The following SVOPL variants were observed in gnomAD, a reference collection of about 807,000 sequenced individuals.
The protein encoded by SVOPL is SVOP like.
A neutral mutation model predicts 61.0 loss-of-function variants in SVOPL; 60 were observed. The observed-to-expected ratio is 0.98, with a 90% CI of 0.80 to 1.22. The LOEUF is 1.22. Among genes scored for constraint, SVOPL ranks in the 50% most tolerant of loss-of-function variants. The pLI is 0.00. For missense variants in SVOPL, 662 were observed against 643.9 expected, an observed-to-expected ratio of 1.03 and a Z score of -0.30; for synonymous variants, 279 against 250.0, an observed-to-expected ratio of 1.12 and a Z score of -1.09.
intron 8 of SVOPL, among the ~76,000 whole-genome samples, 181 bp from the exon 9 acceptor site, chr7:138,645,026 G>C (rs571766348): frequency 2.0e-5 from 3 of 152,182 alleles, no homozygotes; most frequent in African/African-American, 7.2e-5. Context: ...GAACAAAAAA[G>C]GTCATGTTCT....
intron 13 of SVOPL, among the ~76,000 whole-genome samples, chr7:138,623,310 T>C (rs769347121): frequency 6.6e-6 from 1 of 152,010 alleles, no homozygotes; most frequent in Non-Finnish European, 1.5e-5. Flanking sequence ...ATATAAAAAA[T>C]AAAATACTGG....
At chr7:138,653,538 T>C (rs1442375951) in intron 7 of SVOPL, among the ~76,000 whole-genome samples, 2 of 152,088 alleles carry the variant, frequency 1.3e-5, no homozygotes, top group East Asian at 3.9e-4. Flanking sequence ...ACAGTGCCTC[T>C]TACCTGTAAT....
intron 14 of SVOPL, among the ~76,000 whole-genome samples, chr7:138,616,969 AATTT>A (rs1031726866): frequency 3.1e-4 from 47 of 151,964 alleles, no homozygotes; most frequent in Non-Finnish European, 5.3e-4. Context: ...TCAATTAATT[AATTT>A]ATTTATTTAT....
intron 13 of SVOPL, among the ~76,000 whole-genome samples, chr7:138,621,998 C>G (rs200005234): frequency 2.9e-3 from 129 of 44,376 alleles, no homozygotes; most frequent in Non-Finnish European, 4.2e-3. Flanking sequence ...ATGTATCTAT[C>G]TATCTATGTA....
intron 1 of SVOPL, among the ~76,000 whole-genome samples, chr7:138,683,947 G>A (rs1437951192): frequency 1.3e-5 from 2 of 151,716 alleles, no homozygotes. Flanking sequence ...AGCTACTCGG[G>A]AGGCTGAAGC....
Position 138,594,548 on chromosome 7 carries a change from G to T in SVOPL, c.*62C>A. The stretch of plus-strand genomic sequence containing the variant: ...AAGTAAAACCAAGTTTTAAAAAAAT[G>T]CACCGCAGTTCTGAAGATAGAATTC... On this transcript the variant is annotated 3_prime_UTR_variant, in exon 16 of 16. Transcript: ENST00000674285. 1.3e-6 allele frequency: 2 copies of T among 1,513,584 alleles called. No individual in the cohort carries two copies. Among genetic ancestry groups the T allele is most frequent in the Non-Finnish European group, 1.8e-6 (2 of 1,116,524 alleles). The allele number at this position is 1,513,584 out of a possible 1,614,324, so 93.8% of individuals were successfully genotyped here.
At chr7:138,617,052 T>C (rs549556259) in intron 14 of SVOPL, among the ~76,000 whole-genome samples, 1 of 152,326 alleles carries the variant, frequency 6.6e-6, no homozygotes, top group South Asian at 2.1e-4. Context: ...CAGTGCAACC[T>C]CCATCTCCCA....
chr7:138,672,645 T>G (rs1584860942), intron 3 of SVOPL, among the ~76,000 whole-genome samples: 2 of 123,144 alleles, frequency 1.6e-5, no homozygotes, highest in African/African-American at 3.9e-5. Context: ...GAAAGTGTTT[T>G]TTTTTGTGTT....
intron 7 of SVOPL, among the ~76,000 whole-genome samples, chr7:138,653,987 G>A (rs918376987): frequency 5.9e-5 from 9 of 151,382 alleles, no homozygotes; most frequent in South Asian, 2.1e-4. Context: ...ACAAAAGTTA[G>A]CTGGGTGTGG....
intron 14 of SVOPL, among the ~76,000 whole-genome samples, chr7:138,603,804 A>AT (rs1798629628): frequency 6.6e-6 from 1 of 152,166 alleles, no homozygotes; most frequent in Non-Finnish European, 1.5e-5. Flanking sequence ...AAACTCTGAC[A>AT]TGAAAGACCT....
chr7:138,637,590 G>C (rs1031476344), intron 9 of SVOPL, among the ~76,000 whole-genome samples: 1 of 151,840 alleles, frequency 6.6e-6, no homozygotes, highest in Admixed American at 6.6e-5. Context: ...ATATAACAAA[G>C]CTAAATCTGT....
chr7:138,675,193 G>A (rs1802527830), intron 3 of SVOPL, among the ~76,000 whole-genome samples: 1 of 149,944 alleles, frequency 6.7e-6, no homozygotes. Context: ...TTGAGCTGAG[G>A]AGTTTGAGAC....
intron 14 of SVOPL, among the ~76,000 whole-genome samples, chr7:138,605,032 A>G (rs1798690880): frequency 6.6e-6 from 1 of 151,946 alleles, no homozygotes; most frequent in African/African-American, 2.4e-5. Flanking sequence ...CCTGGGCAAC[A>G]CAATGAGCCC....
At chr7:138,654,030 G>A (rs545090348) in intron 7 of SVOPL, among the ~76,000 whole-genome samples, 3 of 151,932 alleles carry the variant, frequency 2.0e-5, no homozygotes, top group East Asian at 3.9e-4. Flanking sequence ...GTACTTGGGA[G>A]GCTGAGGCGT....
At chr7:138,632,709 CA>C (rs1800268983) in intron 9 of SVOPL, among the ~76,000 whole-genome samples, 1 of 135,828 alleles carries the variant, frequency 7.4e-6, no homozygotes, top group Non-Finnish European at 1.6e-5. Flanking sequence ...AGATGGGAGA[CA>C]GGGGGTTGTG....
chr7:138,617,988 C>T (rs1160803038), intron 14 of SVOPL, among the ~76,000 whole-genome samples: 1 of 152,148 alleles, frequency 6.6e-6, no homozygotes, highest in African/African-American at 2.4e-5. Context: ...GACTAATTAG[C>T]TCATGAAAGT....
In SVOPL at chr7:138,640,017, A is replaced by G. The variant is rs556430953; in HGVS notation, c.789+4700T>C. Among the ~76,000 whole-genome samples the G allele has an allele frequency of 2.0e-4, 30 of 152,152 alleles. No individual in the cohort carries two copies. The South Asian group carries it at 5.8e-3, about 29-fold the overall frequency. On this transcript the variant is annotated intron_variant, in intron 9 of 15. Coordinates refer to ENST00000674285, the MANE Select transcript of SVOPL (RefSeq NM_001139456.2). ...GTGATCTTCTCATTTCAGCCTCCCA[A>G]AGTGCTGGGATTACAGGCCTGAGCT... is the stretch of plus-strand genomic sequence containing the variant.
chr7:138,650,974 T>TTCCC (rs919282850), intron 7 of SVOPL, among the ~76,000 whole-genome samples: 25 of 151,320 alleles, frequency 1.7e-4, no homozygotes, highest in African/African-American at 6.1e-4. Flanking sequence ...TAAGTGTAGA[T>TTCCC]GGGACAGGGC....
chr7:138,660,059 A>T, intron 5 of SVOPL, 71 bp from the exon 6 acceptor site: 1 of 1,532,226 alleles, frequency 6.5e-7, no homozygotes, highest in South Asian at 1.2e-5. Context: ...TAACTTCTGA[A>T]GGCGATTTTC....
Sources: gnomAD v4.1 joint callset for allele counts (sites outside exome capture counted in the v4.1 genomes callset) on GRCh38, gnomAD v4.1.1 for gene constraint, MANE v1.5 for transcripts, NCBI Gene and HGNC (gene_info 2026-07-23, HGNC 2026-07-21) for gene names.